The following SASS6 variants were observed in gnomAD, a reference collection of about 807,000 sequenced individuals.
SASS6 encodes SAS-6 centriolar assembly protein, also known as spindle assembly abnormal protein 6 homolog.
A neutral mutation model predicts 94.9 loss-of-function variants in SASS6; 59 were observed. The ratio of observed to expected loss-of-function variants is 0.62; its 90% confidence interval spans 0.50 to 0.77. SASS6 has a LOEUF of 0.77. Among genes scored for constraint, SASS6 ranks in the 30% least tolerant of loss-of-function variants. The pLI, the probability that SASS6 is intolerant of heterozygous loss-of-function variation, is 0.00. For missense variants in SASS6, 698 were observed against 734.1 expected, an observed-to-expected ratio of 0.95 and a Z score of 0.57; for synonymous variants, 264 against 270.0, an observed-to-expected ratio of 0.98 and a Z score of 0.22.
intron 14 of SASS6, 22 bp downstream of exon 14, chr1:100,102,933 A>G (rs769922471): frequency 2.5e-6 from 4 of 1,584,760 alleles, no homozygotes; most frequent in Non-Finnish European, 2.6e-6. Flanking sequence ...TTCCCAGAAC[A>G]AGTATTAGTT....
At chr1:100,113,623 A>C (rs1218976824) in intron 7 of SASS6, among the ~76,000 whole-genome samples, 1 of 150,254 alleles carries the variant, frequency 6.7e-6, no homozygotes, top group African/African-American at 2.4e-5. Flanking sequence ...CTCGGTCTCA[A>C]AAAAAAAAAG....
chr1:100,108,063 T>C, intron 8 of SASS6, 59 bp from the exon 9 acceptor site: 1 of 959,156 alleles, frequency 1.0e-6, no homozygotes, highest in Non-Finnish European at 1.6e-6. Flanking sequence ...CCTCATCTGG[T>C]TATTTATAAT....
At chr1:100,094,114 T>C (rs934576666) in intron 14 of SASS6, among the ~76,000 whole-genome samples, 7 of 152,144 alleles carry the variant, frequency 4.6e-5, no homozygotes, top group Non-Finnish European at 1.0e-4. Context: ...CCATTATAAG[T>C]AATGAAAGAG....
At chr1:100,118,924 G>C in intron 7 of SASS6, 94 bp downstream of exon 7, 1 of 859,896 alleles carries the variant, frequency 1.2e-6, no homozygotes, top group Non-Finnish European at 1.7e-6. Context: ...TGTAACGTTT[G>C]GAAAATTTAA....
rs367770371 is a variant in SASS6, at chr1:100,085,464, G to A, written c.1868-30C>T. The A allele has an allele frequency of 3.8e-6, 6 of 1,563,342 alleles. No individual in the cohort carries two copies. The African/African-American group carries it at 8.1e-5, about 21-fold the overall frequency. On this transcript the variant is annotated intron_variant, in intron 16 of 16. Transcript: ENST00000287482. ...AAATGAGGACAAAAAAAGGTTACTG[G>A]TATTCATTAAGTCTTCATACATTAA...
Position 100,105,388 on chromosome 1 carries a change from G to A in SASS6, c.1545+379C>T, listed in dbSNP as rs190603077. On this transcript the variant is annotated intron_variant, in intron 13 of 16. Transcript: ENST00000287482. ...TAAAAATACAAAAAATTAGCTGGGC[G>A]TGGTGGTGGGCGCCTATAGTCCCAG... 1.4e-3 allele frequency among the ~76,000 whole-genome samples: 211 copies of A among 152,142 alleles called. 2 individuals are homozygous for A. Among genetic ancestry groups the A allele is most frequent in the Non-Finnish European group, 1.3e-3 (85 of 67,988 alleles).
At chr1:100,106,276 C>CA (rs1396769189) in intron 12 of SASS6, among the ~76,000 whole-genome samples, 4 of 151,780 alleles carry the variant, frequency 2.6e-5, no homozygotes, top group Non-Finnish European at 5.9e-5. Context: ...TGTTTTCAAA[C>CA]AATTCATATT....
At chr1:100,117,124 T>A (rs1026834758) in intron 7 of SASS6, among the ~76,000 whole-genome samples, 1 of 150,506 alleles carries the variant, frequency 6.6e-6, no homozygotes, top group Non-Finnish European at 1.5e-5. Flanking sequence ...TGAAACCCCG[T>A]CTTCACTAAA....
chr1:100,089,765 G>A (rs1299504892), intron 14 of SASS6, among the ~76,000 whole-genome samples: 1 of 151,876 alleles, frequency 6.6e-6, no homozygotes, highest in East Asian at 1.9e-4. Context: ...TAGTTATTGA[G>A]GAGAAAGGAA....
At chr1:100,122,952 A>G (rs1219566655) in intron 3 of SASS6, among the ~76,000 whole-genome samples, 3 of 114,652 alleles carry the variant, frequency 2.6e-5, no homozygotes, top group Non-Finnish European at 3.6e-5. Flanking sequence ...TCTGATTTTT[A>G]TAGAACGTAT....
At chr1:100,087,053 G>A (rs1484163075) in intron 15 of SASS6, among the ~76,000 whole-genome samples, 2 of 151,978 alleles carry the variant, frequency 1.3e-5, no homozygotes, top group African/African-American at 2.4e-5. Context: ...GCACAATATC[G>A]GCTCACTGCA....
At chr1:100,132,709 C>A (rs1453033952) in intron 1 of SASS6, 41 bp downstream of exon 1, 1 of 1,562,430 alleles carries the variant, frequency 6.4e-7, no homozygotes, top group Non-Finnish European at 8.8e-7. Context: ...TTGGCCTGAC[C>A]CCAACCGCCA....
intron 7 of SASS6, among the ~76,000 whole-genome samples, chr1:100,111,356 T>C (rs1570699459): frequency 6.6e-6 from 1 of 152,130 alleles, no homozygotes; most frequent in East Asian, 1.9e-4. Context: ...CCCTTAGCAT[T>C]TGCACCTTCT....
At chr1:100,092,542 C>A (rs1651796666) in intron 14 of SASS6, among the ~76,000 whole-genome samples, 1 of 151,966 alleles carries the variant, frequency 6.6e-6, no homozygotes. Flanking sequence ...ATATAACGAA[C>A]TAGTCTTCTC....
At chr1:100,092,177 A>G (rs974741456) in intron 14 of SASS6, among the ~76,000 whole-genome samples, 3 of 151,760 alleles carry the variant, frequency 2.0e-5, no homozygotes, top group African/African-American at 7.3e-5. Flanking sequence ...CTAAAAATAT[A>G]TATATATATT....
At position 100,105,860 on chromosome 1, in the gene SASS6, C is replaced by T. The variant is rs1179535944; in HGVS notation, c.1452G>A (p.Val484=). The T allele has an allele frequency of 6.2e-7, 1 of 1,609,770 alleles. No homozygotes were observed. Among genetic ancestry groups the T allele is most frequent in the African/African-American group, 1.3e-5 (1 of 74,776 alleles). The change falls in exon 13 of 17, where the codon GTG becomes GTA. Residue 484 remains valine (V), a synonymous_variant. Coordinates refer to ENST00000287482, the MANE Select transcript of SASS6 (RefSeq NM_194292.3). ...LNKELNENQL[V]RKQDVLGPST... ...AAGGTCCCAATACATCTTGCTTTCTCACTAGCTGATTTTCATTTAGTTCTT... is the reference window on the plus strand; with the variant it reads ...AAGGTCCCAATACATCTTGCTTTCTTACTAGCTGATTTTCATTTAGTTCTT...
chr1:100,122,261 T>G, intron 4 of SASS6, 119 bp downstream of exon 4: 2 of 494,224 alleles, frequency 4.0e-6, no homozygotes, highest in South Asian at 3.3e-5. Flanking sequence ...CTAACCCCAG[T>G]TCTAAAAATA....
At position 100,085,399 on chromosome 1, in the gene SASS6, T is replaced by C. The variant is rs376226898; in HGVS notation, c.1903A>G (p.Thr635Ala). 11 of 1,613,370 alleles carry C rather than the reference T, an allele frequency of 6.8e-6. No individual in the cohort carries two copies. Among genetic ancestry groups the C allele is most frequent in the East Asian group, 2.2e-5 (1 of 44,874 alleles). ...QRDGTLGALH[T>A]SSKPTALPSA... Reference sequence around the variant, plus strand: ...GGGAGCGCTGTGGGTTTGGAAGATGTATGTAATGCTCCTAAAGTGCCATCT... The same window carrying C: ...GGGAGCGCTGTGGGTTTGGAAGATGCATGTAATGCTCCTAAAGTGCCATCT... The change falls in exon 17 of 17, where the codon ACA becomes GCA. Residue 635 changes from threonine to alanine, a missense_variant. By Grantham distance (58) the Thr-to-Ala change is moderately conservative. Transcript: ENST00000287482.
Position 100,105,825 on chromosome 1 carries a change from G to A in SASS6, c.1487C>T (p.Pro496Leu), listed in dbSNP as rs753139694. 4.3e-5 allele frequency: 69 copies of A among 1,612,712 alleles called. No homozygotes were observed. In the Admixed American group the frequency reaches 7.5e-4, roughly 18 times the overall value. Residue 496 changes from proline (P) to leucine (L), a missense_variant, in exon 13 of 17, where the codon CCG (proline) becomes CTG (leucine). Pro to Leu is a moderately conservative substitution (Grantham distance 98). Coordinates refer to ENST00000287482, the MANE Select transcript of SASS6 (RefSeq NM_194292.3). Reference sequence around the variant, plus strand: ...TGTGTTGCTGCTGGAATGTGCAGGCGGAGTAGTAGAAGGTCCCAATACATC... The same window carrying A: ...TGTGTTGCTGCTGGAATGTGCAGGCAGAGTAGTAGAAGGTCCCAATACATC... ...KQDVLGPSTTPPAHSSSNTIR... is the reference protein window; with the variant it reads ...KQDVLGPSTTLPAHSSSNTIR...
Sources: allele counts gnomAD v4.1 joint callset (sites outside exome capture counted in the v4.1 genomes callset), GRCh38; gene constraint gnomAD v4.1.1; transcripts MANE v1.5; gene names NCBI Gene and HGNC (gene_info 2026-07-23, HGNC 2026-07-21).